The following CCDC149 variants were observed in gnomAD, a reference collection of about 807,000 sequenced individuals.
The protein encoded by CCDC149 is coiled-coil domain-containing protein 149.
A neutral mutation model predicts 59.9 loss-of-function variants in CCDC149; 45 were observed. That is an observed-to-expected ratio of 0.75 (90% CI 0.59 to 0.96). The LOEUF (loss-of-function observed/expected upper bound fraction) is 0.96. Among genes scored for constraint, CCDC149 ranks in the 40% least tolerant of loss-of-function variants. CCDC149 has a pLI of 0.00. For synonymous variants in CCDC149, 245 were observed against 260.6 expected, an observed-to-expected ratio of 0.94 and a Z score of 0.58; for missense variants, 584 against 664.7, an observed-to-expected ratio of 0.88 and a Z score of 1.33.
intron 1 of CCDC149, among the ~76,000 whole-genome samples, chr4:24,954,884 A>C (rs1723424302): frequency 6.6e-6 from 1 of 152,132 alleles, no homozygotes; most frequent in South Asian, 2.1e-4. Flanking sequence ...TTCTCCCCTA[A>C]ACATGCTTTT....
intron 1 of CCDC149, among the ~76,000 whole-genome samples, chr4:24,884,096 C>T (rs774714662): frequency 2.6e-5 from 4 of 152,198 alleles, no homozygotes; most frequent in Non-Finnish European, 5.9e-5. Context: ...ACAGGCAGCT[C>T]TCCTGGGGCC....
chr4:24,965,787 C>T (rs931682250), intron 1 of CCDC149, among the ~76,000 whole-genome samples: 8 of 152,334 alleles, frequency 5.3e-5, no homozygotes, highest in South Asian at 2.1e-4. Flanking sequence ...TGAAAAGCTG[C>T]GCTCTAGTCA....
upstream of CCDC149, among the ~76,000 whole-genome samples, chr4:24,914,685 A>C (rs1002462168): frequency 1.3e-5 from 2 of 151,690 alleles, no homozygotes; most frequent in Admixed American, 1.3e-4. Flanking sequence ...GACTCACAGC[A>C]TCACATACTA....
intron 8 of CCDC149, among the ~76,000 whole-genome samples, chr4:24,832,877 G>T (rs896061024): frequency 1.3e-5 from 2 of 152,140 alleles, no homozygotes; most frequent in African/African-American, 2.4e-5. Context: ...CACATGTGAT[G>T]CTGTTACAAC....
intron 12 of CCDC149, among the ~76,000 whole-genome samples, chr4:24,817,040 G>A (rs1021692916): frequency 1.3e-5 from 2 of 152,156 alleles, no homozygotes. Context: ...CCCACCCAGC[G>A]CTGTCAGAGG....
At chr4:24,974,652 C>G in intron 1 of CCDC149, among the ~76,000 whole-genome samples, 1 of 152,338 alleles carries the variant, frequency 6.6e-6, no homozygotes, top group East Asian at 1.9e-4. Flanking sequence ...CATCTCTACA[C>G]CCCCCACACC....
At chr4:24,874,263 T>C (rs1291206158) in intron 2 of CCDC149, among the ~76,000 whole-genome samples, 3 of 30,474 alleles carry the variant, frequency 9.8e-5, no homozygotes, top group Non-Finnish European at 2.3e-4. Flanking sequence ...TTTTTTTGTT[T>C]TGTTTTTTTT....
chr4:24,837,507 A>T lies in CCDC149; in HGVS notation c.490-107T>A. ...TGACTGATTTTTAGAGAGTTTATTA[A>T]CACTACCCGCATGCCCTAAAGCCAT... On this transcript the variant is annotated intron_variant, in intron 5 of 12. Coordinates refer to ENST00000635206, the MANE Select transcript of CCDC149 (RefSeq NM_001330643.2). This position sits in a 1 kb window ranked among gnomAD's most constrained non-coding sequence, Gnocchi z 4.3. 9.8e-7 allele frequency: 1 copy of T among 1,015,892 alleles called. No homozygotes were observed. Among genetic ancestry groups the T allele is most frequent in the Non-Finnish European group, 1.5e-6 (1 of 680,318 alleles). 62.9% of individuals were successfully genotyped at this position (1,015,892 alleles called of 1,614,324 possible).
intron 1 of CCDC149, among the ~76,000 whole-genome samples, chr4:24,946,977 A>G (rs1440652998): frequency 1.3e-5 from 2 of 152,180 alleles, no homozygotes; most frequent in Non-Finnish European, 2.9e-5. Flanking sequence ...CCACTTTACA[A>G]TGCTTTCCTA....
intron 1 of CCDC149, among the ~76,000 whole-genome samples, chr4:24,928,108 T>C (rs1330657256): frequency 3.3e-5 from 5 of 152,244 alleles, no homozygotes; most frequent in African/African-American, 1.2e-4. Flanking sequence ...TTCTATTACA[T>C]CTTTATGTCT....
chr4:24,905,493 T>A (rs1005451354), intron 1 of CCDC149, among the ~76,000 whole-genome samples: 29 of 151,368 alleles, frequency 1.9e-4, no homozygotes, highest in African/African-American at 6.8e-4. Flanking sequence ...TGGAGTTCAG[T>A]GGCGTGATCT....
chr4:24,922,599 G>C (rs547160668), intron 1 of CCDC149, among the ~76,000 whole-genome samples: 2 of 152,280 alleles, frequency 1.3e-5, no homozygotes, highest in South Asian at 4.2e-4. Flanking sequence ...ATGTGAGTCA[G>C]CTCCTGTCCC....
intron 12 of CCDC149, among the ~76,000 whole-genome samples, chr4:24,809,150 G>T (rs909587000): frequency 6.6e-6 from 1 of 152,100 alleles, no homozygotes; most frequent in East Asian, 1.9e-4. Context: ...TTTAAATTGA[G>T]GACAAAGGTT....
At chr4:24,956,399 C>T (rs1244322585) in intron 1 of CCDC149, among the ~76,000 whole-genome samples, 1 of 152,044 alleles carries the variant, frequency 6.6e-6, no homozygotes, top group Non-Finnish European at 1.5e-5. Flanking sequence ...TCTTCTCCAG[C>T]CTAAACTTCT....
chr4:24,949,526 C>A (rs1040755215), intron 1 of CCDC149, among the ~76,000 whole-genome samples: 1 of 152,148 alleles, frequency 6.6e-6, no homozygotes, highest in African/African-American at 2.4e-5. Context: ...ATTCAGCTAA[C>A]ACCAGTGGAG....
chr4:24,957,494 T>C (rs953885746), intron 1 of CCDC149, among the ~76,000 whole-genome samples: 4 of 152,202 alleles, frequency 2.6e-5, no homozygotes, highest in African/African-American at 9.6e-5. Flanking sequence ...TACAATCCCA[T>C]TCAGGTACAG....
intron 1 of CCDC149, among the ~76,000 whole-genome samples, chr4:24,933,977 T>A (rs1722665244): frequency 6.6e-6 from 1 of 152,246 alleles, no homozygotes; most frequent in Admixed American, 6.5e-5. Context: ...GTTTGATGCC[T>A]CAGGGCTCCT....
chr4:24,973,656 C>T (rs4697081), intron 1 of CCDC149, among the ~76,000 whole-genome samples: 108,700 of 152,104 alleles, frequency 0.71, 39,076 homozygotes, highest in African/African-American at 0.77. Context: ...AGCCATCCAT[C>T]GGTACTGGAT....
At chr4:24,848,846 G>C (rs905741347) in intron 4 of CCDC149, among the ~76,000 whole-genome samples, 6 of 152,208 alleles carry the variant, frequency 3.9e-5, no homozygotes, top group African/African-American at 1.4e-4. Context: ...TACAGCCACA[G>C]TGCATAAGTG....
Sources: gnomAD v4.1 joint callset for allele counts (sites outside exome capture counted in the v4.1 genomes callset) on GRCh38, gnomAD v4.1.1 for gene constraint, Gnocchi (gnomAD v3.1) non-coding constraint, MANE v1.5 for transcripts, NCBI Gene and HGNC (gene_info 2026-07-23, HGNC 2026-07-21) for gene names.